ZNF786: variants seen among roughly 807,000 people sequenced by gnomAD.
ZNF786 encodes the protein zinc finger protein 786.
ZNF786 carries 56 observed loss-of-function variants against 63.1 expected under a neutral mutation model. That is an observed-to-expected ratio of 0.89 (90% confidence interval 0.72 to 1.11). The LOEUF (loss-of-function observed/expected upper bound fraction) is 1.11, where lower values mean the gene tolerates loss of function less well. Among genes scored for constraint, ZNF786 ranks in the 50% least tolerant of loss-of-function variants. The pLI, the probability that ZNF786 is intolerant of heterozygous loss-of-function variation, is 0.00. For synonymous variants in ZNF786, 485 were observed against 406.9 expected (o/e 1.19, Z -2.31); for missense variants, 1,213 against 1,041.8 (o/e 1.16, Z -2.26).
intron 1 of ZNF786, among the ~76,000 whole-genome samples, chr7:149,087,796 GTTT>G (rs774798471): frequency 7.0e-6 from 1 of 142,688 alleles, no homozygotes; most frequent in Admixed American, 7.1e-5. Flanking sequence ...GTTCTTTTAG[GTTT>G]TTTTTTTTTT....
Position 149,071,729 on chromosome 7 carries a change from T to C in ZNF786, c.1043A>G (p.Gln348Arg), listed in dbSNP as rs371685988. The change falls in exon 4 of 4, where the codon CAG becomes CGG. Residue 348 changes from glutamine to arginine, a missense_variant. Transcript: ENST00000491431. Reference sequence around the variant, plus strand: ...CCCTTCCTGGTGGCTGTTCCCCTCCTGGGGCAGGCGCGAGCCTGGTTTCTG... The same window carrying C: ...CCCTTCCTGGTGGCTGTTCCCCTCCCGGGGCAGGCGCGAGCCTGGTTTCTG... The part of the protein sequence containing the change: ...SGQKPGSRLP[Q>R]EGNSHQEGDT... The C allele has an allele frequency of 5.9e-5, 93 of 1,585,226 alleles. No individual in the cohort carries two copies. In the African/African-American group the frequency reaches 1.0e-3, roughly 17 times the overall value.
chr7:149,088,380 A>C (rs1295530837), intron 1 of ZNF786, among the ~76,000 whole-genome samples: 2 of 152,184 alleles, frequency 1.3e-5, no homozygotes, highest in East Asian at 3.8e-4. Flanking sequence ...AACTGCTTTT[A>C]GGTTCTTTCA....
chr7:149,073,722 T>TGC (rs1181410324), intron 3 of ZNF786, among the ~76,000 whole-genome samples: 16 of 76,622 alleles, frequency 2.1e-4, no homozygotes, highest in South Asian at 1.3e-3. Flanking sequence ...TGTATATGTG[T>TGC]GCGTGTGTGT....
At position 149,071,412 on chromosome 7, in the gene ZNF786, G is replaced by A. The variant is rs773004664; in HGVS notation, c.1360C>T (p.Arg454Trp). 1 of 1,613,230 alleles carries A rather than the reference G, an allele frequency of 6.2e-7. No individual in the cohort carries two copies. Among genetic ancestry groups the A allele is most frequent in the East Asian group, 2.2e-5 (1 of 44,804 alleles). Residue 454 changes from arginine (R) to tryptophan (W), a missense_variant, in exon 4 of 4, where the codon CGG (arginine) becomes TGG (tryptophan). Transcript: ENST00000491431. ...AAGTTCCTGCCACACTTGGCACACC[G>A]GAAAGGCTTCTCTCCGCTGTGGACT... is the stretch of plus-strand genomic sequence containing the variant. ...IRVHSGEKPF[R>W]CAKCGRNFRQ...
At chr7:149,075,663 T>TTTG (rs1825533987) in intron 2 of ZNF786, among the ~76,000 whole-genome samples, 2 of 113,816 alleles carry the variant, frequency 1.8e-5, no homozygotes, top group Admixed American at 9.5e-5. Context: ...AGGTTTTTTT[T>TTTG]TTTTTTTTTT....
chr7:149,075,622 T>G (rs190210835), intron 2 of ZNF786, among the ~76,000 whole-genome samples: 3 of 150,168 alleles, frequency 2.0e-5, no homozygotes, highest in Admixed American at 1.3e-4. Flanking sequence ...GCCATCTAAC[T>G]TTGTCAAATC....
intron 1 of ZNF786, among the ~76,000 whole-genome samples, chr7:149,081,863 C>T (rs531345684): frequency 6.6e-6 from 1 of 152,124 alleles, no homozygotes; most frequent in Non-Finnish European, 1.5e-5. Context: ...CTCCAAAAGA[C>T]TCCTCCAAAA....
intron 2 of ZNF786, 31 bp downstream of exon 2, chr7:149,080,560 T>A: frequency 6.5e-7 from 1 of 1,541,912 alleles, no homozygotes; most frequent in East Asian, 2.3e-5. Flanking sequence ...TCCAGTTCCA[T>A]GACCTACCCA....
chr7:149,078,176 A>C (rs1433557751), intron 2 of ZNF786, among the ~76,000 whole-genome samples: 2 of 152,028 alleles, frequency 1.3e-5, no homozygotes, highest in African/African-American at 4.8e-5. Flanking sequence ...ATGTAGCATA[A>C]TTTTGAACAA....
At chr7:149,082,949 G>A (rs755727757) in intron 1 of ZNF786, among the ~76,000 whole-genome samples, 20 of 151,236 alleles carry the variant, frequency 1.3e-4, no homozygotes, top group Non-Finnish European at 2.9e-4. Context: ...AGGCTGGAGT[G>A]CAGTGGCGTG....
chr7:149,070,581 G>A lies in ZNF786; in HGVS notation c.2191C>T (p.Pro731Ser), dbSNP rs951048721. 13 of 1,613,892 alleles carry A rather than the reference G, an allele frequency of 8.1e-6. No homozygotes were observed. The highest frequency in any genetic ancestry group is 1.7e-5 in the Admixed American group (1 of 59,996). Residue 731 changes from proline (P) to serine (S), a missense_variant, in exon 4 of 4, where the codon CCC becomes TCC. Transcript: ENST00000491431. Reference sequence around the variant, plus strand: ...TTCCCACAATCGCCACAGGCAAAGGGCCTCTCGGGCCTGTGGATGCGCTGG... The same window carrying A: ...TTCCCACAATCGCCACAGGCAAAGGACCTCTCGGGCCTGTGGATGCGCTGG... ...RHQRIHRPERPFACGDCGKGF... is the reference protein window; with the variant it reads ...RHQRIHRPERSFACGDCGKGF...
intron 1 of ZNF786, among the ~76,000 whole-genome samples, chr7:149,084,047 A>G (rs1464259139): frequency 6.6e-6 from 1 of 152,154 alleles, no homozygotes; most frequent in Non-Finnish European, 1.5e-5. Flanking sequence ...TATATATTCA[A>G]TAATGGGATT....
chr7:149,086,941 G>A (rs1274137891), intron 1 of ZNF786, among the ~76,000 whole-genome samples: 1 of 151,818 alleles, frequency 6.6e-6, no homozygotes. Context: ...CACCTCCCAG[G>A]TTCAAGCAAT....
chr7:149,090,712 GCGCACTGACTCCCCTCCGCTC>G, exon 1 of ZNF786: 1 of 1,495,600 alleles, frequency 6.7e-7, no homozygotes, highest in Non-Finnish European at 9.0e-7. Flanking sequence ...CTGCCCTGCT[GCGCACTGACTCCCCTCCGCTC>G]CGCCCCAACC....
chr7:149,090,710 C>CTGCG lies in ZNF786; in HGVS notation c.-74_-71dup. On this transcript the variant is annotated 5_prime_UTR_variant, in exon 1 of 4. Coordinates refer to ENST00000491431, the MANE Select transcript of ZNF786 (RefSeq NM_152411.4). Reference sequence around the variant, plus strand: ...GGCGGCTCCGCAGGAACCTGCCCTGCTGCGCACTGACTCCCCTCCGCTCCG... The same window carrying CTGCG: ...GGCGGCTCCGCAGGAACCTGCCCTGCTGCGTGCGCACTGACTCCCCTCCGCTCCG... The CTGCG allele has an allele frequency of 6.7e-7, 1 of 1,502,288 alleles. No individual in the cohort carries two copies. The highest frequency in any genetic ancestry group is 9.0e-7 in the Non-Finnish European group (1 of 1,116,846). The allele number at this position is 1,502,288 out of a possible 1,614,324, so 93.1% of individuals were successfully genotyped here. A position where few individuals can be genotyped will look rare whatever the true frequency, so the allele number is the denominator to read the frequency against.
At position 149,070,695 on chromosome 7, in the gene ZNF786, T is replaced by A; in HGVS notation, c.2077A>T (p.Ser693Cys). The stretch of plus-strand genomic sequence containing the variant: ...TCCCCTGTGTGCAGGCCCTGATGGC[T>A]GAGCAGCTGCGCCTTCAGGCGGAAA... Reference protein sequence around the residue: ...KSFRLKAQLLSHQGLHTGERP... With the variant: ...KSFRLKAQLLCHQGLHTGERP... The change falls in exon 4 of 4, where the codon AGC becomes TGC. Residue 693 changes from serine to cysteine, a missense_variant. Ser to Cys is a moderately radical substitution (Grantham distance 112). Coordinates refer to ENST00000491431, the MANE Select transcript of ZNF786 (RefSeq NM_152411.4). The A allele has an allele frequency of 1.2e-6, 2 of 1,613,890 alleles. No homozygotes were observed. Among genetic ancestry groups the A allele is most frequent in the Non-Finnish European group, 1.7e-6 (2 of 1,179,906 alleles).
Position 149,071,026 on chromosome 7 carries a change from C to T in ZNF786, c.1746G>A (p.Glu582=), listed in dbSNP as rs1205313029. 1 of 1,612,758 alleles carries T rather than the reference C, an allele frequency of 6.2e-7. No homozygotes were observed. The highest frequency in any genetic ancestry group is 1.7e-5 in the Admixed American group (1 of 60,020). Residue 582 remains glutamate, a synonymous_variant, in exon 4 of 4, where the codon GAG becomes GAA. Coordinates refer to ENST00000491431, the MANE Select transcript of ZNF786 (RefSeq NM_152411.4). ...TCTCCCCGCTGTGCACGCGCAAGTGCTCCGTGAGCTTGGATTGTCTGGTGA... is the reference window on the plus strand; with the variant it reads ...TCTCCCCGCTGTGCACGCGCAAGTGTTCCGTGAGCTTGGATTGTCTGGTGA... ...KGFTRQSKLT[E]HLRVHSGERP... is the part of the protein sequence containing the mutation.
At chr7:149,074,683 A>C in intron 2 of ZNF786, 145 bp from the exon 3 acceptor site, 1 of 926,990 alleles carries the variant, frequency 1.1e-6, no homozygotes. Flanking sequence ...AAGATGAAAA[A>C]ACCGCCTACA....
In ZNF786 at chr7:149,070,347, G is replaced by A. The variant is rs1825376798; in HGVS notation, c.*76C>T. 2 of 1,544,346 alleles carry A rather than the reference G, an allele frequency of 1.3e-6. No homozygotes were observed. Among genetic ancestry groups the A allele is most frequent in the African/African-American group, 2.7e-5 (2 of 73,224 alleles). ...ACCTGCTCCTAAAACCCGTCTACCA[G>A]CGGGTCTGGCTACTGTTGCTGTGGA... On this transcript the variant is annotated 3_prime_UTR_variant, in exon 4 of 4. Coordinates refer to ENST00000491431, the MANE Select transcript of ZNF786 (RefSeq NM_152411.4).
Sources: allele counts gnomAD v4.1 joint callset (sites outside exome capture counted in the v4.1 genomes callset), GRCh38; gene constraint gnomAD v4.1.1; transcripts MANE v1.5; gene names NCBI Gene and HGNC (gene_info 2026-07-23, HGNC 2026-07-21).